Variants in SLC25A48 observed in about 807,000 individuals in gnomAD.
The protein encoded by SLC25A48 is CTC-321K16.1.
SLC25A48 carries 29 observed loss-of-function variants against 32.2 expected under a neutral mutation model. The observed-to-expected ratio is 0.90, with a 90% CI of 0.67 to 1.23. The LOEUF (loss-of-function observed/expected upper bound fraction) is 1.23, where lower values mean the gene tolerates loss of function less well. Ranked by LOEUF, SLC25A48 falls within the 50% of genes most tolerant of loss-of-function variation. The pLI is 0.00. For synonymous variants in SLC25A48, 164 were observed against 172.3 expected (o/e 0.95, Z 0.38); for missense variants, 399 against 422.7 (o/e 0.94, Z 0.49).
Position 135,818,543 on chromosome 5 carries a change from G to A in SLC25A48, c.-117+5617G>A, listed in dbSNP as rs993875321. 7.2e-5 allele frequency among the ~76,000 whole-genome samples: 11 copies of A among 152,256 alleles called. 1 individual carries two copies. Among genetic ancestry groups the A allele is most frequent in the African/African-American group, 1.7e-4 (7 of 41,544 alleles). ...AACTGAAATTTGCACCACTGTAGAC[G>A]AAAGACAAGACAGAACTTGCAGCTC... On this transcript the variant is annotated intron_variant, in intron 4 of 10. Coordinates refer to the SLC25A48 transcript ENST00000646290.
intron 3 of SLC25A48, among the ~76,000 whole-genome samples, chr5:135,724,765 T>C (rs1207462841): frequency 6.6e-6 from 1 of 152,222 alleles, no homozygotes; most frequent in African/African-American, 2.4e-5. Flanking sequence ...GCATTTGAAA[T>C]GGAAGGAGAG....
intron 3 of SLC25A48, among the ~76,000 whole-genome samples, chr5:135,718,938 A>G (rs534826952): frequency 1.3e-3 from 204 of 152,160 alleles, no homozygotes; most frequent in South Asian, 8.1e-3. Flanking sequence ...ACACAAAACT[A>G]TATGTGTGAT....
intron 3 of SLC25A48, among the ~76,000 whole-genome samples, chr5:135,791,268 ACT>A (rs1402608872): frequency 6.6e-6 from 1 of 151,702 alleles, no homozygotes; most frequent in Non-Finnish European, 1.5e-5. Flanking sequence ...GTTTGTGTAC[ACT>A]CTGTGATATT....
At chr5:135,767,189 C>CT (rs1294495177) in intron 3 of SLC25A48, among the ~76,000 whole-genome samples, 4 of 70,164 alleles carry the variant, frequency 5.7e-5, no homozygotes. Flanking sequence ...ACAGGTACAC[C>CT]CCCCCCCCGT....
intron 3 of SLC25A48, among the ~76,000 whole-genome samples, chr5:135,789,567 C>T (rs965136027): frequency 6.6e-6 from 1 of 151,364 alleles, no homozygotes; most frequent in African/African-American, 2.4e-5. Flanking sequence ...GTGTACAACC[C>T]TGTGCGATAT....
intron 6 of SLC25A48, among the ~76,000 whole-genome samples, chr5:135,879,755 G>A (rs749438290): frequency 3.9e-5 from 6 of 152,178 alleles, no homozygotes; most frequent in East Asian, 1.9e-4. Flanking sequence ...GTGTATCAGG[G>A]TCTGGGAGGA....
At chr5:135,823,651 G>C (rs1037156750) in intron 4 of SLC25A48, among the ~76,000 whole-genome samples, 1 of 152,194 alleles carries the variant, frequency 6.6e-6, no homozygotes, top group Non-Finnish European at 1.5e-5. Context: ...TATTAATCAA[G>C]AAACCACACA....
intron 4 of SLC25A48, among the ~76,000 whole-genome samples, chr5:135,862,490 C>T (rs1760876210): frequency 6.6e-6 from 1 of 152,216 alleles, no homozygotes; most frequent in Non-Finnish European, 1.5e-5. Context: ...TCCTGAGCCC[C>T]TGCTTTGAGG....
chr5:135,637,069 G>C (rs1375979803), intron 3 of SLC25A48, among the ~76,000 whole-genome samples: 1 of 152,204 alleles, frequency 6.6e-6, no homozygotes. Context: ...TTGTTTAATA[G>C]CCATTTAGAT....
chr5:135,637,482 A>G (rs1003676506), intron 3 of SLC25A48, among the ~76,000 whole-genome samples: 5 of 152,180 alleles, frequency 3.3e-5, no homozygotes, highest in Admixed American at 6.5e-5. Context: ...ATCAGGGAAA[A>G]CTGGATGAAA....
chr5:135,851,527 A>C (rs928377062), intron 3 of SLC25A48, among the ~76,000 whole-genome samples: 1 of 152,194 alleles, frequency 6.6e-6, no homozygotes, highest in African/African-American at 2.4e-5. Flanking sequence ...AAGTTATCTG[A>C]AGGATCTTGT....
intron 3 of SLC25A48, among the ~76,000 whole-genome samples, chr5:135,644,041 T>A (rs1380415230): frequency 6.6e-6 from 1 of 152,206 alleles, no homozygotes; most frequent in African/African-American, 2.4e-5. Flanking sequence ...CTAGTTCTTA[T>A]GATAAGCATT....
At chr5:135,726,309 T>G (rs1755087496) in intron 3 of SLC25A48, among the ~76,000 whole-genome samples, 1 of 152,244 alleles carries the variant, frequency 6.6e-6, no homozygotes, top group East Asian at 1.9e-4. Flanking sequence ...AGAATCTACG[T>G]ACCCTTTACC....
At chr5:135,867,560 C>G (rs1235463539) in intron 4 of SLC25A48, among the ~76,000 whole-genome samples, 2 of 152,208 alleles carry the variant, frequency 1.3e-5, no homozygotes, top group Non-Finnish European at 2.9e-5. Flanking sequence ...ACATGGGCCA[C>G]TGGCGGAGAT....
At chr5:135,670,355 A>C (rs1753625762) in intron 3 of SLC25A48, among the ~76,000 whole-genome samples, 1 of 152,148 alleles carries the variant, frequency 6.6e-6, no homozygotes, top group Non-Finnish European at 1.5e-5. Context: ...AGCTCTTTTC[A>C]GTTTTTAAAT....
chr5:135,612,811 G>A (rs1020267072), intron 1 of SLC25A48, among the ~76,000 whole-genome samples: 5 of 152,132 alleles, frequency 3.3e-5, no homozygotes, highest in African/African-American at 1.2e-4. Context: ...TTTTCTTTAT[G>A]CATTTGTCCA....
intron 3 of SLC25A48, among the ~76,000 whole-genome samples, chr5:135,795,946 C>T (rs1219516461): frequency 7.2e-6 from 1 of 138,936 alleles, no homozygotes; most frequent in Admixed American, 8.3e-5. Flanking sequence ...GGGGTGTACA[C>T]CCACAGTGAT....
At chr5:135,830,586 C>T (rs937798173), upstream of SLC25A48, among the ~76,000 whole-genome samples, 13 of 152,214 alleles carry the variant, frequency 8.5e-5, no homozygotes, top group African/African-American at 2.7e-4. Context: ...ATGCTCTGCA[C>T]ATACTTTCCC....
chr5:135,834,727 C>A lies in SLC25A48; in HGVS notation c.-121C>A. ...CTGGGGGACTGGGTTTGGAGTAGGA[C>A]CTGCGGCGTGCTCGAGACTCCGACT... On this transcript the variant is annotated 5_prime_UTR_variant, in exon 1 of 8. Transcript: ENST00000681962. The A allele has an allele frequency of 9.0e-7, 1 of 1,108,986 alleles. No homozygotes were observed. The allele number at this position is 1,108,986 out of a possible 1,614,324, so 68.7% of individuals were successfully genotyped here.
Sources: gnomAD v4.1 joint callset for allele counts (sites outside exome capture counted in the v4.1 genomes callset) on GRCh38, gnomAD v4.1.1 for gene constraint, MANE v1.5 for transcripts, NCBI Gene and HGNC (gene_info 2026-07-23, HGNC 2026-07-21) for gene names.